Variants in PAH observed in about 807,000 individuals in gnomAD.
PAH encodes phenylalanine-4-hydroxylase.
In PAH, 64 loss-of-function variants were observed where a neutral mutation model predicts 62.0. The ratio of observed to expected loss-of-function variants is 1.03; its 90% CI spans 0.84 to 1.27. PAH has a LOEUF of 1.27. PAH is among the 50% of genes most tolerant of loss of function. The pLI, the probability that PAH is intolerant of heterozygous loss-of-function variation, is 0.00. For synonymous variants in PAH, 195 were observed against 196.2 expected, an observed-to-expected ratio of 0.99 and a Z score of 0.05; for missense variants, 579 against 542.8, an observed-to-expected ratio of 1.07 and a Z score of -0.66.
intron 8 of PAH, among the ~76,000 whole-genome samples, chr12:102,848,097 T>A (rs978555016): frequency 6.6e-6 from 1 of 152,200 alleles, no homozygotes; most frequent in Non-Finnish European, 1.5e-5. Flanking sequence ...ATGGTCATGA[T>A]CTCACTTGTG....
At chr12:102,953,448 C>T (rs1295890583), upstream of PAH, 1 of 152,186 alleles carries the variant, frequency 6.6e-6, no homozygotes, top group Non-Finnish European at 1.5e-5. Flanking sequence ...ATCAAGAGAA[C>T]ATACATAGGT....
chr12:102,839,060 A>T lies in PAH; in HGVS notation c.*115T>A. The T allele has an allele frequency of 1.1e-6, 1 of 878,318 alleles. No homozygotes were observed. Among genetic ancestry groups the T allele is most frequent in the Non-Finnish European group, 1.9e-6 (1 of 526,534 alleles). 54.4% of individuals were successfully genotyped at this position (878,318 alleles called of 1,614,324 possible). ...TTGTTGTTTCTCCATCTTGTAAAGG[A>T]TTTAAGGCTGTTATTTCAAATTAAG... On this transcript the variant is annotated 3_prime_UTR_variant, in exon 13 of 13. Coordinates refer to ENST00000553106, the MANE Select transcript of PAH (RefSeq NM_000277.3).
At chr12:102,901,823 C>A (rs576444055) in intron 2 of PAH, among the ~76,000 whole-genome samples, 1 of 152,188 alleles carries the variant, frequency 6.6e-6, no homozygotes, top group East Asian at 1.9e-4. Flanking sequence ...ATAGACAGGA[C>A]CATTCAATAA....
At chr12:102,877,991 A>C (rs1435731679) in intron 3 of PAH, among the ~76,000 whole-genome samples, 1 of 151,922 alleles carries the variant, frequency 6.6e-6, no homozygotes, top group Non-Finnish European at 1.5e-5. Context: ...ATGCCTGCCC[A>C]ATTTTTGTAG....
chr12:102,839,027 T>A lies in PAH; in HGVS notation c.*148A>T. On this transcript the variant is annotated 3_prime_UTR_variant, in exon 13 of 13. Coordinates refer to ENST00000553106, the MANE Select transcript of PAH (RefSeq NM_000277.3). ...CATATCCTGTCATTTCAGATTATTT[T>A]GACTTATTTGTTGTTTCTCCATCTT... is the stretch of plus-strand genomic sequence containing the variant. The A allele has an allele frequency of 2.8e-6, 2 of 711,574 alleles. No individual in the cohort carries two copies. Among genetic ancestry groups the A allele is most frequent in the South Asian group, 3.2e-5 (2 of 62,718 alleles). The allele number at this position is 711,574 out of a possible 1,614,324, so 44.1% of individuals were successfully genotyped here. A position where few individuals can be genotyped will look rare whatever the true frequency, so the allele number is the denominator to read the frequency against.
chr12:102,892,881 G>A (rs568305390), intron 3 of PAH, among the ~76,000 whole-genome samples: 3 of 152,210 alleles, frequency 2.0e-5, no homozygotes, highest in Admixed American at 6.5e-5. Context: ...ATGACATTAC[G>A]CATTTGTCAA....
chr12:102,868,039 C>T lies in PAH; in HGVS notation c.442-1376G>A, dbSNP rs138586384. ...ATATACATATATACATGTATATACA[C>T]CTATATATATGTATATATATACACA... On this transcript the variant is annotated intron_variant, in intron 4 of 12. Coordinates refer to ENST00000553106, the MANE Select transcript of PAH (RefSeq NM_000277.3). Among the ~76,000 whole-genome samples, 24 of 113,650 alleles carry T rather than the reference C, an allele frequency of 2.1e-4. 4 individuals are homozygous for T. Among genetic ancestry groups the T allele is most frequent in the South Asian group, 6.6e-4 (2 of 3,040 alleles). 74.6% of individuals were successfully genotyped at this position (113,650 alleles called of 152,430 possible).
At chr12:102,839,694 C>T (rs1874502826) in intron 12 of PAH, among the ~76,000 whole-genome samples, 1 of 152,208 alleles carries the variant, frequency 6.6e-6, no homozygotes, top group Non-Finnish European at 1.5e-5. Flanking sequence ...GATTCTGATG[C>T]ACATTCAAAT....
chr12:102,874,670 G>A (rs990202631), intron 4 of PAH, among the ~76,000 whole-genome samples: 5 of 152,146 alleles, frequency 3.3e-5, no homozygotes, highest in African/African-American at 1.2e-4. Flanking sequence ...AAGAAAGCAA[G>A]GTGGGAAAGG....
chr12:102,917,104 T>C lies in PAH; in HGVS notation c.27A>G (p.Pro9=). The C allele has an allele frequency of 6.2e-7, 1 of 1,614,170 alleles. No individual in the cohort carries two copies. The highest frequency in any genetic ancestry group is 1.3e-5 in the African/African-American group (1 of 75,044). Residue 9 remains proline (P), a synonymous_variant, in exon 1 of 13, where the codon CCA becomes CCG. Transcript: ENST00000553106. MSTAVLEN[P]GLGRKLSDFG... ...AGTCAGAGAGTTTCCTGCCCAAGCC[T>C]GGGTTTTCCAGGACCGCAGTGGACA...
chr12:102,851,731 G>A lies in PAH; in HGVS notation c.868C>T (p.His290Tyr), dbSNP rs1486763160. Residue 290 changes from histidine to tyrosine, a missense_variant, in exon 8 of 13, where the codon CAT (histidine) becomes TAT (tyrosine). By Grantham distance (83) the His-to-Tyr change is moderately conservative. Coordinates refer to ENST00000553106, the MANE Select transcript of PAH (RefSeq NM_000277.3). ...EPDICHELLG[H>Y]VPLFSDRSFA... ...CTGCGATCTGAAAACAAGGGCACAT[G>A]TCCCAACAGCTCATGGCAGATGTCA... 6.2e-7 allele frequency: 1 copy of A among 1,614,048 alleles called. No homozygotes were observed. Among genetic ancestry groups the A allele is most frequent in the Non-Finnish European group, 8.5e-7 (1 of 1,179,954 alleles).
rs894206578 is a variant in PAH at position 102,903,734 on chromosome 12, G to A, written c.169-8816C>T. Among the ~76,000 whole-genome samples, 5 of 152,294 alleles carry A rather than the reference G, an allele frequency of 3.3e-5. No homozygotes were observed. In the South Asian group the frequency reaches 6.2e-4, roughly 19 times the overall value. On this transcript the variant is annotated intron_variant, in intron 2 of 12. Coordinates refer to ENST00000553106, the MANE Select transcript of PAH (RefSeq NM_000277.3). ...TAGCTCCTGGAAGCTTGTTTAGTCT[G>A]AGCCTCTGTGTCTTCATCAATTGAA...
chr12:102,847,154 C>T, intron 8 of PAH: 1 of 602,852 alleles, frequency 1.7e-6, no homozygotes, highest in Non-Finnish European at 3.0e-6. Flanking sequence ...TCCACCCTCA[C>T]TTGGCCCTTT....
chr12:102,936,661 C>T (rs1169921598), intron 1 of PAH, among the ~76,000 whole-genome samples: 1 of 152,090 alleles, frequency 6.6e-6, no homozygotes, highest in African/African-American at 2.4e-5. Flanking sequence ...TAAATAGTTT[C>T]TATCTGGAAA....
intron 6 of PAH, chr12:102,854,842 C>A: frequency 2.2e-6 from 1 of 455,986 alleles, no homozygotes; most frequent in Non-Finnish European, 4.1e-6. Flanking sequence ...AAAAAAACCT[C>A]AGTGAAGCAC....
Position 102,911,548 on chromosome 12 carries a change from T to C in PAH, c.168+1243A>G, listed in dbSNP as rs180910591. Among the ~76,000 whole-genome samples the C allele has an allele frequency of 1.4e-4, 22 of 152,292 alleles. No homozygotes were observed. The East Asian group carries it at 1.5e-3, about 11-fold the overall frequency. On this transcript the variant is annotated intron_variant, in intron 2 of 12. Coordinates refer to ENST00000553106, the MANE Select transcript of PAH (RefSeq NM_000277.3). ...AGAAATAGCTCCTACCTCATGTTATTTTCATTAGACTGAATAAGATCATGT... is the reference window on the plus strand; with the variant it reads ...AGAAATAGCTCCTACCTCATGTTATCTTCATTAGACTGAATAAGATCATGT...
chr12:102,890,038 A>C (rs890790811), intron 3 of PAH, among the ~76,000 whole-genome samples: 1 of 152,254 alleles, frequency 6.6e-6, no homozygotes, highest in East Asian at 1.9e-4. Context: ...TCCAGGAGGC[A>C]TTTGAGAAGG....
chr12:102,948,885 CA>C (rs1879613881), intron 1 of PAH, among the ~76,000 whole-genome samples: 1 of 152,122 alleles, frequency 6.6e-6, no homozygotes, highest in Non-Finnish European at 1.5e-5. Context: ...ATGGGAGTAT[CA>C]GGGGAGAACG....
chr12:102,851,498 A>G (rs1311324400), intron 8 of PAH, among the ~76,000 whole-genome samples, 189 bp downstream of exon 8: 4 of 152,090 alleles, frequency 2.6e-5, no homozygotes, highest in Admixed American at 6.6e-5. Flanking sequence ...TGATTCACCA[A>G]CCCCATGCTT....
Sources: gnomAD v4.1 joint callset for allele counts (sites outside exome capture counted in the v4.1 genomes callset) on GRCh38, gnomAD v4.1.1 for gene constraint, MANE v1.5 for transcripts, NCBI Gene and HGNC (gene_info 2026-07-23, HGNC 2026-07-21) for gene names.